Variants in PREP observed in about 807,000 individuals in gnomAD.
The protein encoded by PREP is dJ355L5.1 (prolyl endopeptidase).
In PREP, 29 loss-of-function variants were observed where a neutral mutation model predicts 87.6. The ratio of observed to expected loss-of-function variants is 0.33; its 90% CI spans 0.25 to 0.45. The LOEUF is 0.45. Among genes scored for constraint, PREP ranks in the 20% least tolerant of loss-of-function variants. The probability of loss-of-function intolerance (pLI) is 1.00; values close to 1 mark genes in which losing one functional copy is unlikely to be tolerated. For missense variants in PREP, 695 were observed against 886.5 expected, an observed-to-expected ratio of 0.78 and a Z score of 2.74; for synonymous variants, 337 against 328.6, an observed-to-expected ratio of 1.03 and a Z score of -0.28.
At chr6:105,341,317 T>C (rs902104014) in intron 7 of PREP, among the ~76,000 whole-genome samples, 10 of 152,130 alleles carry the variant, frequency 6.6e-5, no homozygotes, top group African/African-American at 2.2e-4. Context: ...AAGGCAGAAA[T>C]AAAGATGTCC....
chr6:105,281,656 A>AGTGACAAAGCTCAAGCACTAATCCTGCT (rs1770083097), intron 14 of PREP, 90 bp downstream of exon 14: 1 of 1,458,706 alleles, frequency 6.9e-7, no homozygotes, highest in African/African-American at 1.4e-5. Flanking sequence ...AGACCCTGAC[A>AGTGACAAAGCTCAAGCACTAATCCTGCT]GTGACAAAGC....
At chr6:105,336,601 T>C (rs751532701) in intron 7 of PREP, among the ~76,000 whole-genome samples, 1 of 152,256 alleles carries the variant, frequency 6.6e-6, no homozygotes, top group Non-Finnish European at 1.5e-5. Flanking sequence ...CTAGTGATGC[T>C]TTCTGCTTTA....
At position 105,373,391 on chromosome 6, in the gene PREP, A is replaced by G; in HGVS notation, c.573T>C (p.Pro191=). The part of the protein sequence containing the change: ...DGKGMFYNSY[P]QQDGKSDGTE... ...CACCATCACTTTTTCCATCCTGTTG[A>G]GGGTATGAGTTGTAGAACATTCCCT... Residue 191 remains proline (P), a synonymous_variant, in exon 5 of 15, where the codon CCT becomes CCC. Coordinates refer to ENST00000652536, the MANE Select transcript of PREP (RefSeq NM_002726.5). 1 of 1,614,132 alleles carries G rather than the reference A, an allele frequency of 6.2e-7. No homozygotes were observed.
intron 6 of PREP, among the ~76,000 whole-genome samples, chr6:105,362,964 A>G (rs552440126): frequency 3.8e-4 from 58 of 152,334 alleles, no homozygotes; most frequent in African/African-American, 1.3e-3. Flanking sequence ...GAACTTCCAC[A>G]GGGGACATGG....
chr6:105,369,088 A>G (rs1350172851), intron 5 of PREP, 64 bp from the exon 6 acceptor site: 1 of 1,552,318 alleles, frequency 6.4e-7, no homozygotes, highest in East Asian at 2.3e-5. Flanking sequence ...AATTCCACCC[A>G]TATTGCAGAA....
At chr6:105,387,687 T>A (rs1449384003) in intron 2 of PREP, among the ~76,000 whole-genome samples, 1 of 151,218 alleles carries the variant, frequency 6.6e-6, no homozygotes. Flanking sequence ...AATCTCATAA[T>A]GTTTTCAGAG....
intron 12 of PREP, 45 bp downstream of exon 12, chr6:105,285,441 C>T: frequency 6.4e-7 from 1 of 1,560,204 alleles, no homozygotes; most frequent in Non-Finnish European, 8.8e-7. Context: ...ACAACCTTAG[C>T]TTTGATTATG....
In PREP at chr6:105,368,972, T is replaced by C; in HGVS notation, c.648A>G (p.Gly216=). Residue 216 remains glycine, a synonymous_variant, in exon 6 of 15, where the codon GGA becomes GGG. Coordinates refer to ENST00000652536, the MANE Select transcript of PREP (RefSeq NM_002726.5). ...LHQKLYYHVL[G]TDQSEDILCA... ...ACAAAATATCTTCTGACTGATCGGT[T>C]CCCAAGACATGGTAGTAGAGCTTTT... 6.2e-7 allele frequency: 1 copy of C among 1,614,058 alleles called. No homozygotes were observed. Among genetic ancestry groups the C allele is most frequent in the Non-Finnish European group, 8.5e-7 (1 of 1,179,944 alleles).
Position 105,392,797 on chromosome 6 carries a change from G to A in PREP, c.120+5056C>T, listed in dbSNP as rs113594091. The stretch of plus-strand genomic sequence containing the variant: ...TTGTCATGTTGGCTAGGCTGGCCTC[G>A]AACTCCTGACCTCAGGTGATCCACC... On this transcript the variant is annotated intron_variant, in intron 2 of 14. Coordinates refer to ENST00000652536, the MANE Select transcript of PREP (RefSeq NM_002726.5). Among the ~76,000 whole-genome samples, 800 of 152,124 alleles carry A rather than the reference G, an allele frequency of 5.3e-3. 6 individuals carry two copies. Among genetic ancestry groups the A allele is most frequent in the African/African-American group, 0.017 (709 of 41,502 alleles).
intron 10 of PREP, among the ~76,000 whole-genome samples, chr6:105,308,293 CA>C (rs1190032891): frequency 6.6e-6 from 1 of 152,158 alleles, no homozygotes; most frequent in African/African-American, 2.4e-5. Context: ...TCATAAAACA[CA>C]ATACGGAATG....
At chr6:105,320,418 C>A (rs1426284593) in intron 10 of PREP, among the ~76,000 whole-genome samples, 1 of 152,156 alleles carries the variant, frequency 6.6e-6, no homozygotes, top group Non-Finnish European at 1.5e-5. Flanking sequence ...AAATATGACA[C>A]CAGATCCCTC....
intron 9 of PREP, among the ~76,000 whole-genome samples, chr6:105,328,346 C>T (rs535163916): frequency 6.6e-6 from 1 of 152,106 alleles, no homozygotes; most frequent in Non-Finnish European, 1.5e-5. Flanking sequence ...CAACCTCCAC[C>T]TCCCGGGTTC....
At chr6:105,317,270 T>C (rs1361270199) in intron 10 of PREP, among the ~76,000 whole-genome samples, 1 of 151,874 alleles carries the variant, frequency 6.6e-6, no homozygotes, top group African/African-American at 2.4e-5. Flanking sequence ...CATGTTTATT[T>C]AAGAGGTGAA....
At chr6:105,279,683 A>G (rs1283234524) in intron 14 of PREP, among the ~76,000 whole-genome samples, 1 of 152,156 alleles carries the variant, frequency 6.6e-6, no homozygotes, top group African/African-American at 2.4e-5. Flanking sequence ...GACCCTTCCT[A>G]GCTAGTGTGG....
In PREP at chr6:105,277,228, G is replaced by GAAAC. The variant is rs57359340; in HGVS notation, c.*912_*915dup. Reference sequence around the variant, plus strand: ...ATTTCCAGGAGTGATCTATGCAGGAGAAACAGCTTGGGAAATGCTGAAATT... The same window carrying GAAAC: ...ATTTCCAGGAGTGATCTATGCAGGAGAAACAAACAGCTTGGGAAATGCTGAAATT... On this transcript the variant is annotated 3_prime_UTR_variant, in exon 15 of 15. Coordinates refer to ENST00000652536, the MANE Select transcript of PREP (RefSeq NM_002726.5). 0.14 allele frequency among the ~76,000 whole-genome samples: 20,622 copies of GAAAC among 150,858 alleles called. 2,861 individuals are homozygous for GAAAC. Among genetic ancestry groups the GAAAC allele is most frequent in the African/African-American group, 0.36 (14,858 of 40,910 alleles).
At chr6:105,366,501 T>C (rs760885186) in intron 6 of PREP, among the ~76,000 whole-genome samples, 1 of 152,156 alleles carries the variant, frequency 6.6e-6, no homozygotes, top group Non-Finnish European at 1.5e-5. Flanking sequence ...ATACGCAGAG[T>C]GTACATCTAT....
At chr6:105,285,634 G>C in intron 11 of PREP, 54 bp from the exon 12 acceptor site, 23 of 1,430,140 alleles carry the variant, frequency 1.6e-5, no homozygotes, top group Non-Finnish European at 2.1e-5. Flanking sequence ...TGAAGACCAT[G>C]CCCTCTCTCT....
chr6:105,283,340 A>G (rs1770122067), intron 12 of PREP, among the ~76,000 whole-genome samples: 1 of 152,260 alleles, frequency 6.6e-6, no homozygotes, highest in South Asian at 2.1e-4. Flanking sequence ...GCCATGAAAT[A>G]TCTATAAGTA....
At chr6:105,344,230 C>A (rs1017860903) in intron 7 of PREP, among the ~76,000 whole-genome samples, 3 of 152,134 alleles carry the variant, frequency 2.0e-5, no homozygotes, top group African/African-American at 7.2e-5. Flanking sequence ...GTGGCTCACG[C>A]CTGTAATCCC....
Sources: gnomAD v4.1 joint callset for allele counts (sites outside exome capture counted in the v4.1 genomes callset) on GRCh38, gnomAD v4.1.1 for gene constraint, MANE v1.5 for transcripts, NCBI Gene and HGNC (gene_info 2026-07-23, HGNC 2026-07-21) for gene names.